Variants in RELN observed in about 807,000 individuals in gnomAD.
The protein encoded by RELN is reelin.
A neutral mutation model predicts 427.6 loss-of-function variants in RELN; 108 were observed. The observed-to-expected ratio is 0.25, with a 90% CI of 0.22 to 0.30. The LOEUF (loss-of-function observed/expected upper bound fraction) is 0.30. Ranked by LOEUF, RELN falls within the 10% of genes least tolerant of loss-of-function variation. The pLI is 1.00. For synonymous variants in RELN, 1,524 were observed against 1,513.4 expected, an observed-to-expected ratio of 1.01 and a Z score of -0.16; for missense variants, 3,715 against 4,302.8, an observed-to-expected ratio of 0.86 and a Z score of 3.82.
chr7:103,706,794 A>AC (rs1013256635), intron 8 of RELN, among the ~76,000 whole-genome samples: 15 of 152,072 alleles, frequency 9.9e-5, no homozygotes, highest in African/African-American at 3.4e-4. Context: ...TAAACCTTTA[A>AC]CCCCCCTGCT....
At chr7:103,952,325 C>T (rs931404117) in intron 1 of RELN, among the ~76,000 whole-genome samples, 2 of 152,218 alleles carry the variant, frequency 1.3e-5, no homozygotes, top group African/African-American at 4.8e-5. Context: ...ATGTTAGCTA[C>T]ATACAACTCC....
chr7:103,925,101 G>A (rs1003529666), intron 1 of RELN, among the ~76,000 whole-genome samples: 27 of 151,726 alleles, frequency 1.8e-4, no homozygotes, highest in African/African-American at 6.3e-4. Context: ...TTATTCAGGT[G>A]ATCCCTTCCC....
At position 103,968,538 on chromosome 7, in the gene RELN, A is replaced by G. The variant is rs1796701565; in HGVS notation, c.226+20593T>C. On this transcript the variant is annotated intron_variant, in intron 1 of 64. Transcript: ENST00000428762. The surrounding 1 kb of genome is among the most constrained non-coding windows in gnomAD (Gnocchi z 4.3). ...AAATTGTAAAAGGTAAGCAAATGTA[A>G]AAAAGAAGAAATTAGATCTCCTCAA... 6.6e-6 allele frequency among the ~76,000 whole-genome samples: 1 copy of G among 152,198 alleles called. No individual in the cohort carries two copies. The highest frequency in any genetic ancestry group is 2.4e-5 in the African/African-American group (1 of 41,454).
At chr7:103,772,734 T>C (rs540796447) in intron 4 of RELN, among the ~76,000 whole-genome samples, 11 of 152,234 alleles carry the variant, frequency 7.2e-5, no homozygotes, top group African/African-American at 2.4e-4. Flanking sequence ...ACCAGGATGA[T>C]AGAGCGAGGT....
chr7:103,586,788 C>T (rs920440092), intron 28 of RELN, among the ~76,000 whole-genome samples: 1 of 152,046 alleles, frequency 6.6e-6, no homozygotes, highest in African/African-American at 2.4e-5. Flanking sequence ...TTGACAATCT[C>T]CAAAATAAAA....
Position 103,930,102 on chromosome 7 carries a change from A to G in RELN, c.227-12917T>C, listed in dbSNP as rs1035548465. 3.9e-5 allele frequency among the ~76,000 whole-genome samples: 6 copies of G among 152,196 alleles called. 1 individual carries two copies. The South Asian group carries it at 1.2e-3, about 32-fold the overall frequency. On this transcript the variant is annotated intron_variant, in intron 1 of 64. Coordinates refer to ENST00000428762, the MANE Select transcript of RELN (RefSeq NM_005045.4). Reference sequence around the variant, plus strand: ...AAGTACCACAGATGGGGTGGTATAAACAACAGACATTTATTTTTCCACAGT... The same window carrying G: ...AAGTACCACAGATGGGGTGGTATAAGCAACAGACATTTATTTTTCCACAGT...
chr7:103,544,064 G>T (rs544250951), intron 42 of RELN, among the ~76,000 whole-genome samples: 23 of 152,104 alleles, frequency 1.5e-4, no homozygotes, highest in Admixed American at 8.5e-4. Flanking sequence ...GCATGTTTTT[G>T]AGTTTCATCT....
Position 103,641,235 on chromosome 7 carries a change from A to G in RELN, c.2003-626T>C, listed in dbSNP as rs539115484. Among the ~76,000 whole-genome samples the G allele has an allele frequency of 4.9e-4, 75 of 152,354 alleles. 1 individual carries two copies. The highest frequency in any genetic ancestry group is 6.8e-3 in the Middle Eastern group (2 of 294). The stretch of plus-strand genomic sequence containing the variant: ...TACCAAATGGTGTAAAAGTGGTATT[A>G]AACTAATGAGAAATTCAAGATGCAA... On this transcript the variant is annotated intron_variant, in intron 16 of 64. Coordinates refer to ENST00000428762, the MANE Select transcript of RELN (RefSeq NM_005045.4).
At chr7:103,515,092 GA>G (rs1186515889) in intron 50 of RELN, 92 bp downstream of exon 50, 1 of 1,498,066 alleles carries the variant, frequency 6.7e-7, no homozygotes, top group Non-Finnish European at 9.2e-7. Flanking sequence ...TGGAACATCT[GA>G]AAAGGTTCCA....
chr7:103,877,692 C>T (rs972380522), intron 2 of RELN, among the ~76,000 whole-genome samples: 8 of 152,040 alleles, frequency 5.3e-5, no homozygotes, highest in African/African-American at 1.9e-4. Context: ...CAAAGTCTGA[C>T]TCTAGTTTTT....
At chr7:103,682,362 T>C in intron 10 of RELN, 101 bp from the exon 11 acceptor site, 1 of 1,214,784 alleles carries the variant, frequency 8.2e-7, no homozygotes, top group Non-Finnish European at 1.2e-6. Flanking sequence ...GTTATTATAT[T>C]AGCTCCTCTA....
intron 50 of RELN, chr7:103,513,344 A>T (rs192593316): frequency 6.6e-6 from 1 of 152,360 alleles, no homozygotes; most frequent in African/African-American, 2.4e-5. Flanking sequence ...CTAATTAAAC[A>T]TAAAATCAAA....
intron 3 of RELN, among the ~76,000 whole-genome samples, chr7:103,816,580 C>T (rs1336724619): frequency 1.4e-5 from 2 of 147,016 alleles, no homozygotes; most frequent in African/African-American, 5.1e-5. Context: ...TAAGGCCTTC[C>T]TTCAGGATTG....
intron 1 of RELN, among the ~76,000 whole-genome samples, chr7:103,987,106 C>A (rs1797119052): frequency 1.3e-5 from 2 of 149,644 alleles, no homozygotes; most frequent in East Asian, 2.0e-4. Context: ...TACTTTAAGG[C>A]CTATAGCTAC....
At chr7:103,887,620 G>A (rs1221719011) in intron 2 of RELN, among the ~76,000 whole-genome samples, 1 of 152,182 alleles carries the variant, frequency 6.6e-6, no homozygotes, top group Non-Finnish European at 1.5e-5. Flanking sequence ...GATGGGATGA[G>A]AGAATTAGGA....
chr7:103,621,219 T>C (rs1319068640), intron 20 of RELN, among the ~76,000 whole-genome samples: 1 of 152,258 alleles, frequency 6.6e-6, no homozygotes, highest in Non-Finnish European at 1.5e-5. Context: ...TTTATTTGGC[T>C]ACTAGTAATG....
chr7:103,645,333 T>C lies in RELN; in HGVS notation c.2003-4724A>G, dbSNP rs541289879. Among the ~76,000 whole-genome samples, 341 of 151,984 alleles carry C rather than the reference T, an allele frequency of 2.2e-3. 1 individual carries two copies. Among genetic ancestry groups the C allele is most frequent in the Non-Finnish European group, 4.0e-3 (272 of 67,832 alleles). On this transcript the variant is annotated intron_variant, in intron 16 of 64. Coordinates refer to ENST00000428762, the MANE Select transcript of RELN (RefSeq NM_005045.4). ...AATTCTCCATTTAAAAGATACAGAT[T>C]GGCAGAATGGATTAAAAAACACAAT...
At position 103,975,712 on chromosome 7, in the gene RELN, A is replaced by ATTT. The variant is rs1187478144; in HGVS notation, c.226+13416_226+13418dup. Among the ~76,000 whole-genome samples the ATTT allele has an allele frequency of 3.0e-3, 363 of 122,012 alleles. 1 individual carries two copies. Among genetic ancestry groups the ATTT allele is most frequent in the African/African-American group, 4.6e-3 (147 of 32,000 alleles). The allele number at this position is 122,012 out of a possible 152,430, so 80.0% of individuals were successfully genotyped here. On this transcript the variant is annotated intron_variant, in intron 1 of 64. Transcript: ENST00000428762. Reference sequence around the variant, plus strand: ...AGGCACCCGCCACCACGCCTGGCTGATTTTTTTTTTTTTTTTTTGTATTTT... The same window carrying ATTT: ...AGGCACCCGCCACCACGCCTGGCTGATTTTTTTTTTTTTTTTTTTTTGTATTTT...
chr7:103,674,000 A>G (rs1432877191), intron 11 of RELN, among the ~76,000 whole-genome samples: 1 of 150,652 alleles, frequency 6.6e-6, no homozygotes, highest in African/African-American at 2.4e-5. Flanking sequence ...TCAATTATTT[A>G]TTTGAATATT....
Sources: allele counts gnomAD v4.1 joint callset (sites outside exome capture counted in the v4.1 genomes callset), GRCh38; gene constraint gnomAD v4.1.1; non-coding constraint Gnocchi (gnomAD v3.1); transcripts MANE v1.5; gene names NCBI Gene and HGNC (gene_info 2026-07-23, HGNC 2026-07-21).